FER1L6: variants seen among roughly 807,000 people sequenced by gnomAD.
FER1L6 encodes fer-1 like family member 6, also known as fer-1-like protein 6.
Under a neutral mutation model 219.2 loss-of-function variants are expected in FER1L6, and 177 were observed. The observed-to-expected ratio is 0.81, with a 90% CI of 0.71 to 0.91. FER1L6 has a LOEUF of 0.91. Ranked by LOEUF, FER1L6 falls within the 40% of genes least tolerant of loss-of-function variation. The probability of loss-of-function intolerance (pLI) is 0.00; values close to 1 mark genes in which losing one functional copy is unlikely to be tolerated. For missense variants in FER1L6, 2,153 were observed against 2,259.9 expected (o/e 0.95, Z 0.96); for synonymous variants, 768 against 824.3 (o/e 0.93, Z 1.17).
At chr8:124,042,526 G>T (rs943452043) in intron 20 of FER1L6, among the ~76,000 whole-genome samples, 2 of 152,152 alleles carry the variant, frequency 1.3e-5, no homozygotes, top group Admixed American at 6.5e-5. Context: ...GGAAACCCAG[G>T]TTTGTCCAAT....
Position 123,963,550 on chromosome 8 carries a change from A to T in FER1L6, c.197+152A>T, listed in dbSNP as rs1013234181. The T allele has an allele frequency of 3.9e-6, 3 of 776,980 alleles. No homozygotes were observed. The African/African-American group carries it at 5.2e-5, about 14-fold the overall frequency. 48.1% of individuals were successfully genotyped at this position (776,980 alleles called of 1,614,324 possible). A position where few individuals can be genotyped will look rare whatever the true frequency, so the allele number is the denominator to read the frequency against. On this transcript the variant is annotated intron_variant, in intron 3 of 40. Coordinates refer to ENST00000522917, the MANE Select transcript of FER1L6 (RefSeq NM_001039112.2). ...TAAGGCAGGAAGACTGTGTCAGCTCAGTTTTCTCTATGGCAGTGCTGGCCT... is the reference window on the plus strand; with the variant it reads ...TAAGGCAGGAAGACTGTGTCAGCTCTGTTTTCTCTATGGCAGTGCTGGCCT...
At chr8:124,089,594 C>T (rs1821935865) in intron 33 of FER1L6, among the ~76,000 whole-genome samples, 1 of 152,094 alleles carries the variant, frequency 6.6e-6, no homozygotes, top group Non-Finnish European at 1.5e-5. Context: ...TATAGACTAC[C>T]AGCTTTATTT....
chr8:123,878,562 T>C (rs113767068), intron 1 of FER1L6, among the ~76,000 whole-genome samples: 3,146 of 152,298 alleles, frequency 0.021, 60 homozygotes, highest in South Asian at 0.036. Context: ...TTACCCTTAG[T>C]GCTCCCTCCA....
chr8:123,892,045 C>T (rs1812656873), intron 1 of FER1L6, among the ~76,000 whole-genome samples: 1 of 152,104 alleles, frequency 6.6e-6, no homozygotes, highest in Non-Finnish European at 1.5e-5. Flanking sequence ...GAGCTTAGAT[C>T]GCTGTTTAGT....
chr8:123,963,419 G>A, intron 3 of FER1L6, 21 bp downstream of exon 3: 1 of 1,613,344 alleles, frequency 6.2e-7, no homozygotes. Context: ...GATGCAGGTG[G>A]TCAACACACA....
intron 33 of FER1L6, among the ~76,000 whole-genome samples, chr8:124,086,713 T>A (rs372308194): frequency 4.6e-5 from 7 of 152,210 alleles, no homozygotes; most frequent in Admixed American, 1.3e-4. Context: ...TTCTTATTGA[T>A]CATTAACATC....
At chr8:124,049,340 C>T (rs1173551978) in intron 21 of FER1L6, among the ~76,000 whole-genome samples, 1 of 152,160 alleles carries the variant, frequency 6.6e-6, no homozygotes, top group South Asian at 2.1e-4. Flanking sequence ...GCTACCGCGC[C>T]TGTATGACCC....
chr8:123,889,406 C>T (rs1010636054), intron 1 of FER1L6, among the ~76,000 whole-genome samples: 4 of 152,114 alleles, frequency 2.6e-5, no homozygotes, highest in African/African-American at 9.7e-5. Context: ...ATGCCTGAGT[C>T]ATTTCCAATT....
intron 21 of FER1L6, among the ~76,000 whole-genome samples, chr8:124,048,324 T>G (rs1450021914): frequency 6.6e-6 from 1 of 152,210 alleles, no homozygotes; most frequent in Non-Finnish European, 1.5e-5. Flanking sequence ...TCAGCCAGCA[T>G]GCATTGAGTA....
chr8:123,889,162 A>G (rs1817257440), intron 1 of FER1L6, among the ~76,000 whole-genome samples: 1 of 152,220 alleles, frequency 6.6e-6, no homozygotes. Flanking sequence ...GACTAATTTA[A>G]TGTTGTTGGT....
At chr8:123,906,073 C>T (rs1812947455) in intron 1 of FER1L6, among the ~76,000 whole-genome samples, 1 of 152,190 alleles carries the variant, frequency 6.6e-6, no homozygotes. Flanking sequence ...TACCACCTCT[C>T]CCATCAGTCC....
intron 1 of FER1L6, among the ~76,000 whole-genome samples, chr8:123,889,908 G>A (rs1412637616): frequency 1.3e-5 from 2 of 152,008 alleles, no homozygotes; most frequent in African/African-American, 4.8e-5. Flanking sequence ...TTTTTTTCTT[G>A]TTTCTCTGTA....
intron 33 of FER1L6, among the ~76,000 whole-genome samples, chr8:124,083,009 T>C (rs78555386): frequency 1.3e-5 from 2 of 151,102 alleles, no homozygotes; most frequent in South Asian, 2.1e-4. Flanking sequence ...ATATATTATA[T>C]ACACACACAT....
intron 1 of FER1L6, among the ~76,000 whole-genome samples, chr8:123,950,715 T>C (rs995542371): frequency 6.6e-6 from 1 of 152,166 alleles, no homozygotes; most frequent in African/African-American, 2.4e-5. Flanking sequence ...TGTACAAAAT[T>C]AGGGGCTAAC....
intron 12 of FER1L6, among the ~76,000 whole-genome samples, chr8:123,999,098 T>C (rs974769503): frequency 2.6e-5 from 4 of 152,188 alleles, no homozygotes; most frequent in Non-Finnish European, 4.4e-5. Flanking sequence ...AAGTCCCCTT[T>C]ATTCTTTCCT....
chr8:123,902,988 T>C (rs1256531826), intron 1 of FER1L6, among the ~76,000 whole-genome samples: 1 of 152,194 alleles, frequency 6.6e-6, no homozygotes, highest in Non-Finnish European at 1.5e-5. Flanking sequence ...GTCCTCGTGG[T>C]TGTTTGGTAA....
intron 7 of FER1L6, 115 bp from the exon 8 acceptor site, chr8:123,975,035 C>T (rs886270558): frequency 1.1e-6 from 1 of 907,772 alleles, no homozygotes; most frequent in East Asian, 2.9e-5. Flanking sequence ...AGATGATTTA[C>T]CACCTAGAGC....
intron 5 of FER1L6, among the ~76,000 whole-genome samples, chr8:123,967,840 C>A (rs1012855758): frequency 4.6e-5 from 7 of 152,082 alleles, no homozygotes; most frequent in African/African-American, 1.4e-4. Flanking sequence ...CCTGTAATCC[C>A]ATCTAGTCAG....
At chr8:124,088,895 T>C (rs1034066539) in intron 33 of FER1L6, among the ~76,000 whole-genome samples, 1 of 151,904 alleles carries the variant, frequency 6.6e-6, no homozygotes, top group Admixed American at 6.6e-5. Flanking sequence ...TCCTCTTTGC[T>C]CTTCCTCTCC....
Sources: gnomAD v4.1 joint callset for allele counts (sites outside exome capture counted in the v4.1 genomes callset) on GRCh38, gnomAD v4.1.1 for gene constraint, MANE v1.5 for transcripts, NCBI Gene and HGNC (gene_info 2026-07-23, HGNC 2026-07-21) for gene names.